Variants in DCAF5 observed in about 807,000 individuals in gnomAD.
DCAF5 encodes DDB1- and CUL4-associated factor 5.
In DCAF5, 9 loss-of-function variants were observed where a neutral mutation model predicts 80.7. That is an observed-to-expected ratio of 0.11 (90% CI 0.07 to 0.19). The LOEUF is 0.19. Among genes scored for constraint, DCAF5 ranks in the 10% least tolerant of loss-of-function variants. The pLI, the probability that DCAF5 is intolerant of heterozygous loss-of-function variation, is 1.00. For missense variants in DCAF5, 842 were observed against 1,205.7 expected, an observed-to-expected ratio of 0.70 and a Z score of 4.47; for synonymous variants, 433 against 461.9, an observed-to-expected ratio of 0.94 and a Z score of 0.80.
In DCAF5 at chr14:69,152,180, G is replaced by C. The variant is rs1388371356; in HGVS notation, c.214+585C>G. On this transcript the variant is annotated intron_variant, in intron 1 of 8. Coordinates refer to ENST00000341516, the MANE Select transcript of DCAF5 (RefSeq NM_003861.3). This position sits in a 1 kb window ranked among gnomAD's most constrained non-coding sequence, Gnocchi z 4.1. Reference sequence around the variant, plus strand: ...AGGCGATGGTGCTGGGCCTCTAAGAGCGCCGAGGGGGGCGGCCCACAGCGA... The same window carrying C: ...AGGCGATGGTGCTGGGCCTCTAAGACCGCCGAGGGGGGCGGCCCACAGCGA... Among the ~76,000 whole-genome samples the C allele has an allele frequency of 6.6e-6, 1 of 152,166 alleles. No homozygotes were observed. The highest frequency in any genetic ancestry group is 2.4e-5 in the African/African-American group (1 of 41,440).
intron 5 of DCAF5, among the ~76,000 whole-genome samples, chr14:69,106,052 T>C (rs2140020732): frequency 6.6e-6 from 1 of 150,898 alleles, no homozygotes; most frequent in South Asian, 2.1e-4. Flanking sequence ...TATCTGTTTT[T>C]TGTTTTGTGT....
chr14:69,122,312 T>G lies in DCAF5; in HGVS notation c.263A>C (p.His88Pro), dbSNP rs1440663272. 2 of 1,613,432 alleles carry G rather than the reference T, an allele frequency of 1.2e-6. No individual in the cohort carries two copies. Among genetic ancestry groups the G allele is most frequent in the Admixed American group, 1.7e-5 (1 of 59,990 alleles). The stretch of plus-strand genomic sequence containing the variant: ...CAGCTGTATGGGCTTGACCCTGGAG[T>G]GGATGGCTTGTTCCATGTGCCATAG... ...VLLWHMEQAIHSRVKPIQLKG... is the reference protein window; with the variant it reads ...VLLWHMEQAIPSRVKPIQLKG... Residue 88 changes from histidine to proline, a missense_variant, in exon 2 of 9, where the codon CAC (histidine) becomes CCC (proline). Physicochemically the swap from His to Pro is moderately conservative, Grantham distance 77. Transcript: ENST00000341516.
At chr14:69,085,889 A>T (rs117306721) in intron 6 of DCAF5, among the ~76,000 whole-genome samples, 1 of 152,196 alleles carries the variant, frequency 6.6e-6, no homozygotes, top group South Asian at 2.1e-4. Flanking sequence ...CTTGATCTCT[A>T]TAACACAGTG....
At chr14:69,077,250 T>C (rs998376566) in intron 6 of DCAF5, among the ~76,000 whole-genome samples, 3 of 152,220 alleles carry the variant, frequency 2.0e-5, no homozygotes, top group Non-Finnish European at 4.4e-5. Flanking sequence ...TTGCCCATGC[T>C]AGAGTGCAGT....
intron 2 of DCAF5, among the ~76,000 whole-genome samples, chr14:69,120,395 G>GC (rs2040682573): frequency 6.6e-6 from 1 of 152,122 alleles, no homozygotes; most frequent in Non-Finnish European, 1.5e-5. Context: ...GAGCCACCAT[G>GC]CCCAGCCTCA....
At chr14:69,131,450 C>T (rs1353563130) in intron 1 of DCAF5, among the ~76,000 whole-genome samples, 2 of 152,086 alleles carry the variant, frequency 1.3e-5, no homozygotes, top group African/African-American at 2.4e-5. Flanking sequence ...AGCCCAGCTA[C>T]GTCAGTGGAT....
chr14:69,083,755 A>C, intron 6 of DCAF5: 1 of 673,034 alleles, frequency 1.5e-6, no homozygotes. Flanking sequence ...TGAGTCTGAT[A>C]CAAAAAAAGC....
intron 1 of DCAF5, among the ~76,000 whole-genome samples, chr14:69,134,314 C>G (rs2041127540): frequency 6.6e-6 from 1 of 152,174 alleles, no homozygotes. Context: ...AAAAAAACAA[C>G]TAGCACATAA....
Position 69,075,243 on chromosome 14 carries a change from ATGT to A in DCAF5, c.946+99_946+101del, listed in dbSNP as rs1376792491. The A allele has an allele frequency of 7.6e-6, 6 of 785,196 alleles. No homozygotes were observed. In the Middle Eastern group the frequency reaches 7.5e-4, roughly 98 times the overall value. The allele number at this position is 785,196 out of a possible 1,614,324, so 48.6% of individuals were successfully genotyped here. On this transcript the variant is annotated intron_variant, in intron 7 of 8. Coordinates refer to ENST00000341516, the MANE Select transcript of DCAF5 (RefSeq NM_003861.3). ...CCTTTGGTCACAGCTTATGTTAGAA[ATGT>A]TGTCCTCTACTGCTAAAGATCTGTC...
In DCAF5 at chr14:69,054,171, G is replaced by A. The variant is rs1321840741; in HGVS notation, c.2515C>T (p.Pro839Ser). The A allele has an allele frequency of 6.2e-7, 1 of 1,614,234 alleles. No individual in the cohort carries two copies. The highest frequency in any genetic ancestry group is 8.5e-7 in the Non-Finnish European group (1 of 1,180,040). The change falls in exon 9 of 9, where the codon CCT becomes TCT. Residue 839 changes from proline (P) to serine (S), a missense_variant. Pro to Ser is a moderately conservative substitution (Grantham distance 74). Transcript: ENST00000341516. The part of the protein sequence containing the change: ...CANHNNGRLH[P>S]RPPHPHNNGQ... ...TTATTGTGAGGGTGAGGGGGACGAG[G>A]GTGTAAGCGTCCATTGTTGTGGTTG...
chr14:69,084,040 C>G, intron 6 of DCAF5: 2 of 779,910 alleles, frequency 2.6e-6, no homozygotes, highest in Non-Finnish European at 2.4e-6. Flanking sequence ...GATCTTCTTG[C>G]AGCTACAAAA....
chr14:69,114,435 A>T (rs2040476164), intron 5 of DCAF5, among the ~76,000 whole-genome samples: 1 of 152,236 alleles, frequency 6.6e-6, no homozygotes, highest in African/African-American at 2.4e-5. Context: ...ACATATTGTT[A>T]ATTTAAAAAA....
chr14:69,109,130 A>T (rs902544633), intron 5 of DCAF5, among the ~76,000 whole-genome samples: 21 of 152,184 alleles, frequency 1.4e-4, no homozygotes, highest in Admixed American at 1.3e-3. Flanking sequence ...TCATGAGGTC[A>T]GGAGATTGAG....
intron 1 of DCAF5, among the ~76,000 whole-genome samples, chr14:69,139,028 G>A (rs1036721377): frequency 2.0e-5 from 3 of 152,002 alleles, no homozygotes; most frequent in African/African-American, 7.3e-5. Flanking sequence ...GCACGTGCTT[G>A]TAGTCCCAGC....
chr14:69,054,653 T>C lies in DCAF5; in HGVS notation c.2033A>G (p.Lys678Arg). 1 of 1,614,186 alleles carries C rather than the reference T, an allele frequency of 6.2e-7. No homozygotes were observed. Among genetic ancestry groups the C allele is most frequent in the Admixed American group, 1.7e-5 (1 of 60,022 alleles). The part of the protein sequence containing the change: ...RYSYISYSNN[K>R]DGETSLVTGE... ...GGTCACCAAGGAGGTCTCTCCATCT[T>C]TGTTATTTGAGTAGGAGATATAAGA... Residue 678 changes from lysine (K) to arginine (R), a missense_variant, in exon 9 of 9, where the codon AAA becomes AGA. This residue lies in a region of DCAF5 where 607 missense variants were observed against 656.6 expected (regional missense o/e 0.92). Transcript: ENST00000341516.
intron 6 of DCAF5, among the ~76,000 whole-genome samples, chr14:69,087,790 G>T (rs1416452815): frequency 6.6e-6 from 1 of 152,234 alleles, no homozygotes; most frequent in Non-Finnish European, 1.5e-5. Flanking sequence ...GAAGGAAAAA[G>T]ACATGAAGTT....
At chr14:69,084,792 G>A in intron 6 of DCAF5, 2 of 1,104,072 alleles carry the variant, frequency 1.8e-6, no homozygotes, top group Non-Finnish European at 2.7e-6. Flanking sequence ...TTCCAGTTCT[G>A]CAATGCAGAT....
At chr14:69,118,000 GCCC>G in intron 4 of DCAF5, 136 bp downstream of exon 4, 1 of 1,221,580 alleles carries the variant, frequency 8.2e-7, no homozygotes, top group South Asian at 1.4e-5. Flanking sequence ...GACCTCTTAT[GCCC>G]CCATGTGAGT....
rs143538693 is a variant in DCAF5 at position 69,055,462 on chromosome 14, C to A, written c.1224G>T (p.Ser408=). Residue 408 remains serine, a synonymous_variant, in exon 9 of 9, where the codon TCG becomes TCT. Coordinates refer to ENST00000341516, the MANE Select transcript of DCAF5 (RefSeq NM_003861.3). The surrounding 1 kb of genome is among the most constrained non-coding windows in gnomAD (Gnocchi z 5.6). ...CCATCATCCGGGGGTCTTCCTGGACCGACTGGTTGGCGTAGTCATGCGACA... is the reference window on the plus strand; with the variant it reads ...CCATCATCCGGGGGTCTTCCTGGACAGACTGGTTGGCGTAGTCATGCGACA... ...SGLSHDYANQ[S]VQEDPRMMAF... The A allele has an allele frequency of 1.2e-6, 2 of 1,614,004 alleles. No individual in the cohort carries two copies. Among genetic ancestry groups the A allele is most frequent in the East Asian group, 2.2e-5 (1 of 44,876 alleles).
Sources: allele counts gnomAD v4.1 joint callset (sites outside exome capture counted in the v4.1 genomes callset), GRCh38; gene constraint gnomAD v4.1.1; regional missense constraint gnomAD v4.1.1; non-coding constraint Gnocchi (gnomAD v3.1); transcripts MANE v1.5; gene names NCBI Gene and HGNC (gene_info 2026-07-23, HGNC 2026-07-21).